The following CPSF1 variants were observed in gnomAD, a reference collection of about 807,000 sequenced individuals.
CPSF1 encodes cleavage and polyadenylation specificity factor subunit 1.
In CPSF1, 106 loss-of-function variants were observed where a neutral mutation model predicts 175.8. The ratio of observed to expected loss-of-function variants is 0.60; its 90% CI spans 0.52 to 0.71. The LOEUF (loss-of-function observed/expected upper bound fraction) is 0.71. CPSF1 is among the 30% of genes least tolerant of loss of function. CPSF1 has a pLI of 0.00. For missense variants in CPSF1, 1,734 were observed against 2,022.9 expected, an observed-to-expected ratio of 0.86 and a Z score of 2.74; for synonymous variants, 1,024 against 858.3, an observed-to-expected ratio of 1.19 and a Z score of -3.37.
rs2116900076 is a variant in CPSF1, at chr8:144,404,839, G to A, written c.145-3166C>T. Among the ~76,000 whole-genome samples the A allele has an allele frequency of 4.0e-5, 6 of 151,518 alleles. No individual in the cohort carries two copies. In the South Asian group the frequency reaches 6.2e-4, roughly 16 times the overall value. On this transcript the variant is annotated intron_variant, in intron 2 of 37. Coordinates refer to ENST00000616140, the MANE Select transcript of CPSF1 (RefSeq NM_013291.3). ...TGGGAGGCTGAGGCAAGCGGATCAC[G>A]GGGTCAGGCGATCGAGACCATCCTG...
intron 19 of CPSF1, 25 bp from the exon 20 acceptor site, chr8:144,398,157 G>T: frequency 2.4e-6 from 3 of 1,254,278 alleles, no homozygotes; most frequent in Non-Finnish European, 3.1e-6. Flanking sequence ...CAGTCAGCAT[G>T]CGCCTCCCCA....
chr8:144,396,866 C>T lies in CPSF1; in HGVS notation c.2656G>A (p.Gly886Ser). 6.2e-7 allele frequency: 1 copy of T among 1,613,986 alleles called. No individual in the cohort carries two copies. Among genetic ancestry groups the T allele is most frequent in the South Asian group, 1.1e-5 (1 of 91,080 alleles). Residue 886 changes from glycine to serine, a missense_variant, in exon 24 of 38, where the codon GGC becomes AGC. By Grantham distance (56) the Gly-to-Ser change is moderately conservative (BLOSUM62 0). Around this residue, in one of 10 missense-constraint regions of CPSF1, gnomAD observed 585 missense variants for 584.7 expected, o/e 1.00. Coordinates refer to ENST00000616140, the MANE Select transcript of CPSF1 (RefSeq NM_013291.3). ...TTCTTAAAGCGGACTTTGAGATTGCCCTGGCCGAGCTGAGAGTCGTGGGGG... is the reference window on the plus strand; with the variant it reads ...TTCTTAAAGCGGACTTTGAGATTGCTCTGGCCGAGCTGAGAGTCGTGGGGG... ...AFPHDSQLGQ[G>S]NLKVRFKKVP... is the part of the protein sequence containing the mutation.
rs1820422911 is a variant in CPSF1 at position 144,393,234 on chromosome 8, A to C, written c.*84T>G. The C allele has an allele frequency of 7.1e-7, 1 of 1,411,586 alleles. No homozygotes were observed. Among genetic ancestry groups the C allele is most frequent in the South Asian group, 1.5e-5 (1 of 68,868 alleles). 87.4% of individuals were successfully genotyped at this position (1,411,586 alleles called of 1,614,324 possible). On this transcript the variant is annotated 3_prime_UTR_variant, in exon 38 of 38. Coordinates refer to ENST00000616140, the MANE Select transcript of CPSF1 (RefSeq NM_013291.3). ...GTGTAATGACCACACACTCCTCTCA[A>C]GCAAAAAATGTTTTTCCTTGTGTTT...
rs782338628 is a variant in CPSF1 at position 144,396,458 on chromosome 8, C to G, written c.2869G>C (p.Gly957Arg). The change falls in exon 26 of 38, where the codon GGC becomes CGC. Residue 957 changes from glycine (G) to arginine (R), a missense_variant. Physicochemically the swap from Gly to Arg is moderately radical, Grantham distance 125 (BLOSUM62 -2). Transcript: ENST00000616140. The part of the protein sequence containing the change: ...GPSPHWLLVT[G>R]RGALRLHPMA... ...GGGTGTAGCCGCAGAGCCCCTCGGC[C>G]GGTCACCAAGAGCCAGTGAGGGGAG... 6.2e-7 allele frequency: 1 copy of G among 1,602,900 alleles called. No homozygotes were observed. The highest frequency in any genetic ancestry group is 1.3e-5 in the African/African-American group (1 of 74,842).
At chr8:144,404,758 A>C (rs941282724) in intron 2 of CPSF1, among the ~76,000 whole-genome samples, 7 of 150,390 alleles carry the variant, frequency 4.7e-5, no homozygotes, top group African/African-American at 9.7e-5. Flanking sequence ...TCAATAGCTA[A>C]AGAAATAGCG....
chr8:144,397,554 T>C lies in CPSF1; in HGVS notation c.2318A>G (p.Asp773Gly). ...RRSSQPPADRDPAPFRAEPTH... is the reference protein window; with the variant it reads ...RRSSQPPADRGPAPFRAEPTH... ...AGGCTCTGCCCGGAAGGGTGCAGGGTCCCGGTCAGCAGGGGGCTGGCTGCT... is the reference window on the plus strand; with the variant it reads ...AGGCTCTGCCCGGAAGGGTGCAGGGCCCCGGTCAGCAGGGGGCTGGCTGCT... The change falls in exon 22 of 38, where the codon GAC becomes GGC. Residue 773 changes from aspartate to glycine, a missense_variant. Coordinates refer to ENST00000616140, the MANE Select transcript of CPSF1 (RefSeq NM_013291.3). 6.4e-7 allele frequency: 1 copy of C among 1,556,850 alleles called. No homozygotes were observed. Among genetic ancestry groups the C allele is most frequent in the Non-Finnish European group, 8.7e-7 (1 of 1,145,880 alleles).
At position 144,407,710 on chromosome 8, in the gene CPSF1, C is replaced by A. The variant is rs2116909167; in HGVS notation, c.144+1305G>T. 2.9e-3 allele frequency among the ~76,000 whole-genome samples: 422 copies of A among 147,282 alleles called. 2 individuals carry two copies. The highest frequency in any genetic ancestry group is 8.0e-3 in the South Asian group (37 of 4,652). ...CAAGACTCCGTCTCACCAGGAAAAA[C>A]AAAAAAAAAAATTATTTGTAGAGAT... On this transcript the variant is annotated intron_variant, in intron 2 of 37. Transcript: ENST00000616140.
Position 144,404,772 on chromosome 8 carries a change from A to G in CPSF1, c.145-3099T>C, listed in dbSNP as rs2116899710. ...ATCAATAGCTAAAGAAATAGCGACC[A>G]AAGGCTGGGCGTGGTGGCTCACGCC... On this transcript the variant is annotated intron_variant, in intron 2 of 37. Coordinates refer to ENST00000616140, the MANE Select transcript of CPSF1 (RefSeq NM_013291.3). 3.4e-5 allele frequency among the ~76,000 whole-genome samples: 5 copies of G among 148,532 alleles called. No individual in the cohort carries two copies. In the East Asian group the frequency reaches 1.1e-3, roughly 31 times the overall value.
At position 144,397,017 on chromosome 8, in the gene CPSF1, G is replaced by C. The variant is rs529852350; in HGVS notation, c.2593-88C>G. On this transcript the variant is annotated intron_variant, in intron 23 of 37. Coordinates refer to ENST00000616140, the MANE Select transcript of CPSF1 (RefSeq NM_013291.3). Reference sequence around the variant, plus strand: ...TGGGAAGAGGTGGGCTGTGGGTAAGGGGCGGGGCTGAGATGGGGTGGAGCC... The same window carrying C: ...TGGGAAGAGGTGGGCTGTGGGTAAGCGGCGGGGCTGAGATGGGGTGGAGCC... The C allele has an allele frequency of 1.5e-3, 1,543 of 1,050,844 alleles. 3 individuals are homozygous for C. The highest frequency in any genetic ancestry group is 1.8e-3 in the Non-Finnish European group (1,260 of 703,178). The allele number at this position is 1,050,844 out of a possible 1,614,324, so 65.1% of individuals were successfully genotyped here.
rs2280837 is a variant in CPSF1 at position 144,395,081 on chromosome 8, C to T, written c.3272+17G>A. ...GGAGGCCTTGGGCAGACCCCACCCC[C>T]GCCGGCCCAGCCTCACCTGGCATTG... On this transcript the variant is annotated intron_variant, in intron 29 of 37. Transcript: ENST00000616140. 11 of 1,603,306 alleles carry T rather than the reference C, an allele frequency of 6.9e-6. No homozygotes were observed. The highest frequency in any genetic ancestry group is 3.4e-5 in the Admixed American group (2 of 59,514).
chr8:144,400,133 GGGCCCCCCCC>G, intron 9 of CPSF1, 23 bp downstream of exon 9: 2 of 709,302 alleles, frequency 2.8e-6, no homozygotes, highest in Non-Finnish European at 3.9e-6. Flanking sequence ...AGCCGTCCCC[GGGCCCCCCCC>G]GCCCCAGCCA....
chr8:144,402,764 TAAAAA>T (rs1373554586), intron 2 of CPSF1, among the ~76,000 whole-genome samples: 1 of 148,422 alleles, frequency 6.7e-6, no homozygotes, highest in Non-Finnish European at 1.5e-5. Context: ...ATGACACACT[TAAAAA>T]AAAAACACAC....
rs1554862023 is a variant in CPSF1, at chr8:144,393,447, C to G, written c.4284+5G>C. On this transcript the variant is annotated splice_donor_5th_base_variant and intron_variant, in intron 37 of 37. Coordinates refer to ENST00000616140, the MANE Select transcript of CPSF1 (RefSeq NM_013291.3). The stretch of plus-strand genomic sequence containing the variant: ...GGGCGCGCGGGGGGCGGGGCGCGCA[C>G]TCACTATGTCTGGTGTGGTGCCGAT... 6.5e-7 allele frequency: 1 copy of G among 1,548,382 alleles called. No individual in the cohort carries two copies. The highest frequency in any genetic ancestry group is 1.4e-5 in the African/African-American group (1 of 72,840).
intron 2 of CPSF1, among the ~76,000 whole-genome samples, chr8:144,406,612 C>T (rs2116905766): frequency 6.6e-6 from 1 of 152,374 alleles, no homozygotes; most frequent in South Asian, 2.1e-4. Context: ...CTGACTTGAC[C>T]TCCATACCAG....
chr8:144,395,116 T>C lies in CPSF1; in HGVS notation c.3254A>G (p.Glu1085Gly). 6.2e-7 allele frequency: 1 copy of C among 1,611,604 alleles called. No homozygotes were observed. The highest frequency in any genetic ancestry group is 8.5e-7 in the Non-Finnish European group (1 of 1,179,104). Residue 1085 changes from glutamate to glycine, a missense_variant, in exon 29 of 38, where the codon GAG (glutamate) becomes GGG (glycine). By Grantham distance (98) the Glu-to-Gly change is moderately conservative. Coordinates refer to ENST00000616140, the MANE Select transcript of CPSF1 (RefSeq NM_013291.3). ...GCCTCACCTGGCATTGGGAATAGCC[T>C]CCCAGCTGACCGGGGAGATGAGCTG... Reference protein sequence around the residue: ...SIQLISPVSWEAIPNARIELQ... With the variant: ...SIQLISPVSWGAIPNARIELQ...
Position 144,394,457 on chromosome 8 carries a change from G to C in CPSF1, c.3666C>G (p.Ile1222Met). ...TGCTCTTCATGACGTCGGCTGCCAG[G>C]ATGAAGTTCTTGACGCTGATCATCT... Reference protein sequence around the residue: ...IHQMISVKNFILAADVMKSIS... With the variant: ...IHQMISVKNFMLAADVMKSIS... The change falls in exon 32 of 38, where the codon ATC (isoleucine) becomes ATG (methionine). Residue 1222 changes from isoleucine to methionine, a missense_variant. By Grantham distance (10) the Ile-to-Met change is conservative. This residue lies in a region of CPSF1 where 323 missense variants were observed against 338.5 expected (regional missense o/e 0.95). Transcript: ENST00000616140. 1 of 1,608,890 alleles carries C rather than the reference G, an allele frequency of 6.2e-7. No homozygotes were observed. Among genetic ancestry groups the C allele is most frequent in the Non-Finnish European group, 8.5e-7 (1 of 1,178,372 alleles).
rs2116885781 is a variant in CPSF1, at chr8:144,401,564, C to A, written c.173-1G>T. 3 of 1,613,446 alleles carry A rather than the reference C, an allele frequency of 1.9e-6. No individual in the cohort carries two copies. The highest frequency in any genetic ancestry group is 8.5e-7 in the Non-Finnish European group (1 of 1,179,772). ...AGCTTCTCCCGGTGGGCCTTCCCCT[C>A]TAGGGGAGACACCAGGGCTCAGGGT... On this transcript the variant is annotated splice_acceptor_variant, in intron 3 of 37. Coordinates refer to ENST00000616140, the MANE Select transcript of CPSF1 (RefSeq NM_013291.3). LOFTEE classifies it high-confidence loss of function.
In CPSF1 at chr8:144,398,790, G is replaced by A. The variant is rs2116854972; in HGVS notation, c.1627C>T (p.Arg543Cys). 1.9e-5 allele frequency: 31 copies of A among 1,598,902 alleles called. No individual in the cohort carries two copies. The South Asian group carries it at 2.2e-4, about 12-fold the overall frequency. ...YDMWTVIAPV[R>C]KEEEDNPKGE... ...AGGCTCGCACCTACCTCCTCCTTAC[G>A]CACCGGGGCGATGACTGTCCACATG... Residue 543 changes from arginine (R) to cysteine (C), a missense_variant, in exon 17 of 38, where the codon CGT becomes TGT. Physicochemically the swap from Arg to Cys is radical, Grantham distance 180. This residue lies in a region of CPSF1 where 280 missense variants were observed against 349.2 expected (regional missense o/e 0.80). Transcript: ENST00000616140.
intron 2 of CPSF1, among the ~76,000 whole-genome samples, chr8:144,402,040 C>A (rs1399082146): frequency 6.6e-6 from 1 of 152,190 alleles, no homozygotes; most frequent in Admixed American, 6.5e-5. Context: ...GCCCCTGGGT[C>A]CAAATGTCAC....
Sources: gnomAD v4.1 joint callset for allele counts (sites outside exome capture counted in the v4.1 genomes callset) on GRCh38, gnomAD v4.1.1 for gene constraint, gnomAD v4.1.1 regional missense constraint, MANE v1.5 for transcripts, NCBI Gene and HGNC (gene_info 2026-07-23, HGNC 2026-07-21) for gene names.